The following NUDT3 variants were observed in gnomAD, a reference collection of about 807,000 sequenced individuals.
NUDT3 encodes diphosphoinositol polyphosphate phosphohydrolase 1.
Under a neutral mutation model 23.6 loss-of-function variants are expected in NUDT3, and 9 were observed. The ratio of observed to expected loss-of-function variants is 0.38; its 90% CI spans 0.23 to 0.66. The LOEUF (loss-of-function observed/expected upper bound fraction) is 0.66. Ranked by LOEUF, NUDT3 falls within the 30% of genes least tolerant of loss-of-function variation. NUDT3 has a pLI of 0.52. For synonymous variants in NUDT3, 86 were observed against 82.6 expected, an observed-to-expected ratio of 1.04 and a Z score of -0.22; for missense variants, 172 against 218.5, an observed-to-expected ratio of 0.79 and a Z score of 1.34.
chr6:34,336,062 A>G (rs1315053706), intron 2 of NUDT3, among the ~76,000 whole-genome samples: 1 of 152,084 alleles, frequency 6.6e-6, no homozygotes, highest in African/African-American at 2.4e-5. Context: ...TAAGGTCAGG[A>G]GTTTTAGACC....
At chr6:34,347,630 G>A (rs1034474254) in intron 1 of NUDT3, among the ~76,000 whole-genome samples, 1 of 152,176 alleles carries the variant, frequency 6.6e-6, no homozygotes, top group African/African-American at 2.4e-5. Context: ...AAGGGAGGGA[G>A]AAATACAGCA....
At chr6:34,302,195 CTTT>C (rs759027677) in intron 2 of NUDT3, among the ~76,000 whole-genome samples, 4 of 141,076 alleles carry the variant, frequency 2.8e-5, no homozygotes, top group Non-Finnish European at 6.2e-5. Flanking sequence ...TCACAACTGG[CTTT>C]TTTTTTTTTT....
intron 2 of NUDT3, among the ~76,000 whole-genome samples, chr6:34,301,970 T>G (rs1442140833): frequency 6.6e-6 from 1 of 152,214 alleles, no homozygotes. Flanking sequence ...TTAGGGGCAT[T>G]ATATATTCAC....
At chr6:34,303,197 A>ATTTTTTTTTTT (rs55915428) in intron 2 of NUDT3, among the ~76,000 whole-genome samples, 4 of 74,552 alleles carry the variant, frequency 5.4e-5, no homozygotes, top group Non-Finnish European at 5.0e-5. Context: ...ATACCTGGCA[A>ATTTTTTTTTTT]TTTTTTTTTT....
At chr6:34,344,671 C>A (rs55864834) in intron 1 of NUDT3, among the ~76,000 whole-genome samples, 14,583 of 150,696 alleles carry the variant, frequency 0.097, 801 homozygotes, top group Non-Finnish European at 0.12. Flanking sequence ...TTTTTTTTTC[C>A]GATGGAGTCT....
rs138741670 is a variant in NUDT3 at position 34,389,693 on chromosome 6, G to A, written c.99+2571C>T. On this transcript the variant is annotated intron_variant, in intron 1 of 4. Transcript: ENST00000607016. ...AATAAATAAATAAAGGTCGGGCACA[G>A]TGGCTCACGCCTGTAATCCCAGCAC... Among the ~76,000 whole-genome samples the A allele has an allele frequency of 2.2e-3, 334 of 152,258 alleles. 1 individual carries two copies. Among genetic ancestry groups the A allele is most frequent in the East Asian group, 0.011 (57 of 5,190 alleles).
At chr6:34,309,351 A>G (rs1763733057) in intron 2 of NUDT3, among the ~76,000 whole-genome samples, 1 of 152,180 alleles carries the variant, frequency 6.6e-6, no homozygotes, top group Non-Finnish European at 1.5e-5. Flanking sequence ...TTGAATAAAA[A>G]TAAAAATATA....
Position 34,392,371 on chromosome 6 carries a change from C to T in NUDT3, c.-9G>A. 6.3e-7 allele frequency: 1 copy of T among 1,596,782 alleles called. No homozygotes were observed. On this transcript the variant is annotated 5_prime_UTR_variant, in exon 1 of 5. Transcript: ENST00000607016. ...GACTTGAGCTTCATCATCCTCCGGGCCCGGGTGGGGGTGCGGTGCGGGTCG... is the reference window on the plus strand; with the variant it reads ...GACTTGAGCTTCATCATCCTCCGGGTCCGGGTGGGGGTGCGGTGCGGGTCG...
intron 1 of NUDT3, among the ~76,000 whole-genome samples, chr6:34,379,486 G>A (rs573570786): frequency 6.6e-6 from 1 of 152,070 alleles, no homozygotes; most frequent in South Asian, 2.1e-4. Context: ...CTTGAACCTG[G>A]GAGGCAGAGG....
chr6:34,375,844 T>C (rs1764914143), intron 1 of NUDT3, among the ~76,000 whole-genome samples: 1 of 152,220 alleles, frequency 6.6e-6, no homozygotes, highest in Non-Finnish European at 1.5e-5. Context: ...CTCATCTTCA[T>C]TATAATTGAT....
At chr6:34,301,611 A>G (rs756443714) in intron 2 of NUDT3, among the ~76,000 whole-genome samples, 46 of 152,376 alleles carry the variant, frequency 3.0e-4, no homozygotes, top group Non-Finnish European at 5.7e-4. Flanking sequence ...ACTGTGTGAG[A>G]GCATAGCCAA....
At chr6:34,374,299 C>G (rs1033693180) in intron 1 of NUDT3, among the ~76,000 whole-genome samples, 6 of 152,062 alleles carry the variant, frequency 3.9e-5, no homozygotes, top group Admixed American at 3.9e-4. Flanking sequence ...TCTTTTGGTT[C>G]CAGTTCCCTT....
chr6:34,371,703 A>G (rs1345897191), intron 1 of NUDT3, among the ~76,000 whole-genome samples: 1 of 152,192 alleles, frequency 6.6e-6, no homozygotes, highest in African/African-American at 2.4e-5. Flanking sequence ...GATGAGAATT[A>G]TAATTCTTTA....
chr6:34,343,296 T>A (rs150104766), intron 1 of NUDT3, among the ~76,000 whole-genome samples: 26 of 149,052 alleles, frequency 1.7e-4, no homozygotes, highest in African/African-American at 6.2e-4. Flanking sequence ...ACACCTGTAA[T>A]CCCAGCACTT....
Position 34,290,876 on chromosome 6 carries a change from C to T in NUDT3, c.341-1945G>A, listed in dbSNP as rs188003644. 3.3e-3 allele frequency among the ~76,000 whole-genome samples: 497 copies of T among 151,344 alleles called. 4 individuals carry two copies. Among genetic ancestry groups the T allele is most frequent in the Admixed American group, 7.5e-3 (113 of 15,160 alleles). On this transcript the variant is annotated intron_variant, in intron 4 of 4. Coordinates refer to ENST00000607016, the MANE Select transcript of NUDT3 (RefSeq NM_006703.4). ...GCGATGTGATCCCGGCTCACTGCAACCTCTGCCTCCCAGGCTCAAGCAATT... is the reference window on the plus strand; with the variant it reads ...GCGATGTGATCCCGGCTCACTGCAATCTCTGCCTCCCAGGCTCAAGCAATT...
intron 1 of NUDT3, among the ~76,000 whole-genome samples, chr6:34,344,672 G>A (rs1366029664): frequency 2.7e-5 from 4 of 150,278 alleles, no homozygotes; most frequent in Non-Finnish European, 5.9e-5. Context: ...TTTTTTTTCC[G>A]ATGGAGTCTC....
Position 34,317,900 on chromosome 6 carries a change from C to T in NUDT3, c.211-22215G>A, listed in dbSNP as rs192955956. On this transcript the variant is annotated intron_variant, in intron 2 of 4. Coordinates refer to ENST00000607016, the MANE Select transcript of NUDT3 (RefSeq NM_006703.4). ...TAACCCAGTCCTCTGGAAACATACT[C>T]AGCTATCTCAATGATCTCCATGTGA... Among the ~76,000 whole-genome samples the T allele has an allele frequency of 8.5e-5, 13 of 152,274 alleles. No individual in the cohort carries two copies. The East Asian group carries it at 2.5e-3, about 29-fold the overall frequency.
chr6:34,314,640 T>C (rs1439444087), intron 2 of NUDT3, among the ~76,000 whole-genome samples: 2 of 151,954 alleles, frequency 1.3e-5, no homozygotes, highest in African/African-American at 4.8e-5. Flanking sequence ...ATTATTTATA[T>C]ACTTCATTAA....
At chr6:34,290,872 G>A (rs1763411978) in intron 4 of NUDT3, among the ~76,000 whole-genome samples, 1 of 151,250 alleles carries the variant, frequency 6.6e-6, no homozygotes, top group African/African-American at 2.4e-5. Context: ...CCGGCTCACT[G>A]CAACCTCTGC....
Sources: gnomAD v4.1 joint callset for allele counts (sites outside exome capture counted in the v4.1 genomes callset) on GRCh38, gnomAD v4.1.1 for gene constraint, MANE v1.5 for transcripts, NCBI Gene and HGNC (gene_info 2026-07-23, HGNC 2026-07-21) for gene names.